Variants in FBN2 observed in about 807,000 individuals in gnomAD.
The protein encoded by FBN2 is fibrillin 2.
FBN2 carries 105 observed loss-of-function variants against 355.6 expected under a neutral mutation model. The ratio of observed to expected loss-of-function variants is 0.30; its 90% CI spans 0.25 to 0.35. The LOEUF is 0.35. Among genes scored for constraint, FBN2 ranks in the 10% least tolerant of loss-of-function variants. FBN2 has a pLI of 1.00. For missense variants in FBN2, 3,280 were observed against 3,758.7 expected (o/e 0.87, Z 3.33); for synonymous variants, 1,350 against 1,301.2 (o/e 1.04, Z -0.81).
At chr5:128,333,296 C>G (rs749416806) in intron 31 of FBN2, among the ~76,000 whole-genome samples, 7 of 152,140 alleles carry the variant, frequency 4.6e-5, no homozygotes, top group Non-Finnish European at 8.8e-5. Context: ...CAGTGTTGCT[C>G]CCCGGCAGGT....
intron 2 of FBN2, among the ~76,000 whole-genome samples, chr5:128,533,824 T>C (rs1021832978): frequency 6.6e-5 from 10 of 151,636 alleles, no homozygotes; most frequent in Admixed American, 5.9e-4. Flanking sequence ...AATAAATTAA[T>C]AAGCAAATTG....
At chr5:128,274,370 T>C (rs1392184097) in intron 60 of FBN2, among the ~76,000 whole-genome samples, 197 bp downstream of exon 60, 3 of 152,186 alleles carry the variant, frequency 2.0e-5, no homozygotes, top group African/African-American at 7.2e-5. Context: ...GTGCTTGGAC[T>C]AAAAAGGCCT....
At position 128,278,854 on chromosome 5, in the gene FBN2, A is replaced by C. The variant is rs886038506; in HGVS notation, c.7139-13T>G. ...CCCTGTCGATTGTCTGAAATGGCAA[A>C]GTAGAAAGAGTTAAGGATGCGGAAC... On this transcript the variant is annotated splice_polypyrimidine_tract_variant and intron_variant, in intron 56 of 64. Coordinates refer to ENST00000262464, the MANE Select transcript of FBN2 (RefSeq NM_001999.4). The C allele has an allele frequency of 6.2e-7, 1 of 1,605,552 alleles. No homozygotes were observed.
In FBN2 at chr5:128,339,057, G is replaced by C. The variant is rs1370347679; in HGVS notation, c.3348C>G (p.Ile1116Met). 1 of 1,613,862 alleles carries C rather than the reference G, an allele frequency of 6.2e-7. No homozygotes were observed. Among genetic ancestry groups the C allele is most frequent in the Non-Finnish European group, 8.5e-7 (1 of 1,179,806 alleles). Residue 1116 changes from isoleucine (I) to methionine (M), a missense_variant, in exon 26 of 65, where the codon ATC becomes ATG. Transcript: ENST00000262464. ...LDMEERNCTD[I>M]DECRISPDLC... ...GGTCAGGAGAAATCCTGCACTCGTC[G>C]ATGTCTAATTCACAGGGTTTAAAAG...
chr5:128,436,903 CACCCTAACTG>C (rs1288452871), intron 7 of FBN2, among the ~76,000 whole-genome samples: 8 of 152,160 alleles, frequency 5.3e-5, no homozygotes, highest in Non-Finnish European at 1.2e-4. Flanking sequence ...GTAGATCACT[CACCCTAACTG>C]CGGGGAATAT....
In FBN2 at chr5:128,318,142, T is replaced by C. The variant is rs1750262377; in HGVS notation, c.4717+7A>G. ...TCTATTTGTTTGTTTCATATAGCTTTACTTACCAACACAACCCACACCAGT... is the reference window on the plus strand; with the variant it reads ...TCTATTTGTTTGTTTCATATAGCTTCACTTACCAACACAACCCACACCAGT... On this transcript the variant is annotated splice_region_variant and intron_variant, in intron 36 of 64. Transcript: ENST00000262464. 1 of 1,613,874 alleles carries C rather than the reference T, an allele frequency of 6.2e-7. No homozygotes were observed. Among genetic ancestry groups the C allele is most frequent in the South Asian group, 1.1e-5 (1 of 91,084 alleles).
chr5:128,491,007 A>C (rs1755488305), intron 5 of FBN2, among the ~76,000 whole-genome samples: 1 of 152,174 alleles, frequency 6.6e-6, no homozygotes, highest in East Asian at 1.9e-4. Context: ...AATACTCAGA[A>C]AAGCCTTCAT....
At chr5:128,322,272 C>A (rs888513273) in intron 34 of FBN2, among the ~76,000 whole-genome samples, 3 of 152,030 alleles carry the variant, frequency 2.0e-5, no homozygotes, top group African/African-American at 7.2e-5. Flanking sequence ...TTGCTGTGCA[C>A]AAGCTCTTTA....
intron 5 of FBN2, among the ~76,000 whole-genome samples, chr5:128,497,542 A>G (rs1479597744): frequency 6.6e-6 from 1 of 152,246 alleles, no homozygotes; most frequent in East Asian, 1.9e-4. Flanking sequence ...ACCAGCACGT[A>G]AAAGGAAAGG....
At chr5:128,463,924 T>C (rs1454492717) in intron 6 of FBN2, among the ~76,000 whole-genome samples, 1 of 152,214 alleles carries the variant, frequency 6.6e-6, no homozygotes, top group African/African-American at 2.4e-5. Flanking sequence ...CCTGTGATCT[T>C]ACTGCTATGC....
Position 128,258,294 on chromosome 5 carries a change from T to A in FBN2, c.*1161A>T, listed in dbSNP as rs911909992. 1.3e-5 allele frequency: 2 copies of A among 152,564 alleles called. No homozygotes were observed. Among genetic ancestry groups the A allele is most frequent in the Non-Finnish European group, 2.9e-5 (2 of 68,022 alleles). 9.5% of individuals were successfully genotyped at this position (152,564 alleles called of 1,614,324 possible). On this transcript the variant is annotated 3_prime_UTR_variant, in exon 65 of 65. Coordinates refer to ENST00000262464, the MANE Select transcript of FBN2 (RefSeq NM_001999.4). ...AAGCAAACTAAACATCAATTCATTG[T>A]ACAAACATCTTTCATACACAATAGG...
chr5:128,380,609 G>A (rs755700405), intron 11 of FBN2, among the ~76,000 whole-genome samples: 4 of 152,020 alleles, frequency 2.6e-5, no homozygotes, highest in Non-Finnish European at 5.9e-5. Context: ...AGATGTAATC[G>A]TTCACTTAAT....
chr5:128,441,445 C>T (rs572840550), intron 7 of FBN2, among the ~76,000 whole-genome samples: 1 of 152,308 alleles, frequency 6.6e-6, no homozygotes, highest in East Asian at 1.9e-4. Context: ...TTCTGTTTCT[C>T]ATCCATATAA....
At chr5:128,296,875 G>T (rs1749535365) in intron 48 of FBN2, among the ~76,000 whole-genome samples, 1 of 151,604 alleles carries the variant, frequency 6.6e-6, no homozygotes, top group African/African-American at 2.4e-5. Flanking sequence ...CTTGCCTTCT[G>T]CTAGCTTTTG....
In FBN2 at chr5:128,523,693, T is replaced by C. The variant is rs79719575; in HGVS notation, c.532+4179A>G. On this transcript the variant is annotated intron_variant, in intron 4 of 64. Transcript: ENST00000262464. ...TACCCAACCCACTCCCTATACAGTA[T>C]TTCCCGTATCTGGAAATGACATCGC... Among the ~76,000 whole-genome samples, 584 of 152,150 alleles carry C rather than the reference T, an allele frequency of 3.8e-3. 4 individuals are homozygous for C. Among genetic ancestry groups the C allele is most frequent in the African/African-American group, 0.013 (536 of 41,498 alleles).
intron 63 of FBN2, 39 bp from the exon 64 acceptor site, chr5:128,261,946 T>G (rs776288328): frequency 2.0e-5 from 32 of 1,570,678 alleles, no homozygotes; most frequent in Non-Finnish European, 2.7e-5. Flanking sequence ...ACTTTATCAC[T>G]GACTTGACCA....
intron 7 of FBN2, among the ~76,000 whole-genome samples, chr5:128,410,786 A>C (rs1023502107): frequency 1.3e-5 from 2 of 152,318 alleles, no homozygotes; most frequent in South Asian, 2.1e-4. Context: ...TGCAAAAAAA[A>C]CCTATGTGTT....
rs369591122 is a variant in FBN2 at position 128,335,877 on chromosome 5, T to C, written c.3724+111A>G. 35 of 1,183,396 alleles carry C rather than the reference T, an allele frequency of 3.0e-5. 1 individual carries two copies. In the South Asian group the frequency reaches 4.4e-4, roughly 15 times the overall value. The allele number at this position is 1,183,396 out of a possible 1,614,324, so 73.3% of individuals were successfully genotyped here. A position where few individuals can be genotyped will look rare whatever the true frequency, so the allele number is the denominator to read the frequency against. On this transcript the variant is annotated intron_variant, in intron 28 of 64. Transcript: ENST00000262464. ...ACTGAGATCTGCCCCTAGTCTTACA[T>C]TCATTTTTGGGACAAAGGATTTGCA...
chr5:128,480,344 C>A (rs528392200), intron 5 of FBN2, among the ~76,000 whole-genome samples: 1 of 151,840 alleles, frequency 6.6e-6, no homozygotes, highest in East Asian at 1.9e-4. Context: ...ACTAAAAGCA[C>A]AGGGCTGCAG....
Sources: allele counts gnomAD v4.1 joint callset (sites outside exome capture counted in the v4.1 genomes callset), GRCh38; gene constraint gnomAD v4.1.1; transcripts MANE v1.5; gene names NCBI Gene and HGNC (gene_info 2026-07-23, HGNC 2026-07-21).